PPP6R3: variants seen among roughly 807,000 people sequenced by gnomAD.
PPP6R3 encodes serine/threonine-protein phosphatase 6 regulatory subunit 3.
A neutral mutation model predicts 110.7 loss-of-function variants in PPP6R3; 38 were observed. The ratio of observed to expected loss-of-function variants is 0.34; its 90% confidence interval spans 0.26 to 0.45. PPP6R3 has a LOEUF of 0.45. Among genes scored for constraint, PPP6R3 ranks in the 20% least tolerant of loss-of-function variants. The pLI, the probability that PPP6R3 is intolerant of heterozygous loss-of-function variation, is 1.00. For missense variants in PPP6R3, 870 were observed against 1,062.4 expected, an observed-to-expected ratio of 0.82 and a Z score of 2.52; for synonymous variants, 369 against 373.5, an observed-to-expected ratio of 0.99 and a Z score of 0.14.
chr11:68,569,353 A>G (rs1345853574), intron 10 of PPP6R3, among the ~76,000 whole-genome samples: 2 of 152,212 alleles, frequency 1.3e-5, no homozygotes, highest in African/African-American at 2.4e-5. Flanking sequence ...ATCGAACCCT[A>G]TATATACTAT....
chr11:68,462,918 C>T (rs567652751), intron 1 of PPP6R3, among the ~76,000 whole-genome samples: 1 of 152,232 alleles, frequency 6.6e-6, no homozygotes, highest in Non-Finnish European at 1.5e-5. Context: ...AGATTGTTTT[C>T]GGTTTAGAAC....
chr11:68,523,344 A>G (rs1565589804), intron 2 of PPP6R3, among the ~76,000 whole-genome samples: 2 of 152,158 alleles, frequency 1.3e-5, no homozygotes, highest in East Asian at 3.9e-4. Flanking sequence ...GGAGTCGTCT[A>G]TCTCTTGATG....
chr11:68,469,811 G>A (rs1209030208), intron 1 of PPP6R3, among the ~76,000 whole-genome samples: 2 of 152,092 alleles, frequency 1.3e-5, no homozygotes, highest in Admixed American at 1.3e-4. Flanking sequence ...ATAGAAGGTT[G>A]CCATACCTTT....
chr11:68,589,024 T>C (rs2099587608), intron 16 of PPP6R3, among the ~76,000 whole-genome samples: 1 of 151,924 alleles, frequency 6.6e-6, no homozygotes, highest in Non-Finnish European at 1.5e-5. Context: ...CCGGCCAACG[T>C]GGCAAAACCC....
intron 1 of PPP6R3, among the ~76,000 whole-genome samples, chr11:68,512,103 G>A (rs7937163): frequency 0.047 from 7,157 of 152,184 alleles, 611 homozygotes; most frequent in African/African-American, 0.16. Context: ...CTGTGTACTC[G>A]TGGTTGATAA....
intron 17 of PPP6R3, 115 bp from the exon 18 acceptor site, chr11:68,591,461 A>G: frequency 1.1e-6 from 1 of 945,980 alleles, no homozygotes; most frequent in Non-Finnish European, 1.5e-6. Context: ...GGTGTATGTG[A>G]TAGGCACCAT....
At chr11:68,509,744 AT>A (rs59022544) in intron 1 of PPP6R3, among the ~76,000 whole-genome samples, 1 of 102,150 alleles carries the variant, frequency 9.8e-6, no homozygotes. Flanking sequence ...CATGTGGCTA[AT>A]TTTTTTTTTT....
chr11:68,610,072 C>T (rs778598237), intron 23 of PPP6R3, 49 bp downstream of exon 23: 3 of 1,598,124 alleles, frequency 1.9e-6, no homozygotes, highest in South Asian at 1.1e-5. Context: ...CTGACCTTGC[C>T]TGTTGCTTCC....
At chr11:68,537,618 A>G (rs772561067) in intron 2 of PPP6R3, 41 bp from the exon 3 acceptor site, 1 of 1,296,228 alleles carries the variant, frequency 7.7e-7, no homozygotes, top group Admixed American at 2.3e-5. Flanking sequence ...ATTAATTTGT[A>G]AAGTTGAAAT....
chr11:68,474,900 T>A (rs956054516), intron 1 of PPP6R3, among the ~76,000 whole-genome samples: 21 of 152,210 alleles, frequency 1.4e-4, no homozygotes, highest in Admixed American at 5.2e-4. Context: ...ATATTTAACT[T>A]CCTTTTTTTT....
At chr11:68,571,785 A>G (rs1050447822) in intron 12 of PPP6R3, among the ~76,000 whole-genome samples, 4 of 152,172 alleles carry the variant, frequency 2.6e-5, no homozygotes, top group Non-Finnish European at 2.9e-5. Flanking sequence ...AGACAGGTTT[A>G]TTGAGATATA....
intron 18 of PPP6R3, 130 bp from the exon 19 acceptor site, chr11:68,595,966 TG>T: frequency 8.7e-7 from 1 of 1,153,568 alleles, no homozygotes; most frequent in Non-Finnish European, 1.2e-6. Flanking sequence ...CCTGACCACG[TG>T]GTGCTCAGAC....
At chr11:68,549,948 T>G (rs141501739) in intron 5 of PPP6R3, among the ~76,000 whole-genome samples, 3 of 152,272 alleles carry the variant, frequency 2.0e-5, no homozygotes, top group Admixed American at 6.5e-5. Context: ...GAGTCTGGGA[T>G]TGATTAGTTC....
At chr11:68,511,009 G>T (rs937303355) in intron 1 of PPP6R3, among the ~76,000 whole-genome samples, 3 of 151,588 alleles carry the variant, frequency 2.0e-5, no homozygotes, top group Admixed American at 6.6e-5. Context: ...TTAACATTTT[G>T]GTTAAATCAC....
At chr11:68,586,568 T>C (rs559829953) in intron 15 of PPP6R3, 1 of 151,814 alleles carries the variant, frequency 6.6e-6, no homozygotes, top group East Asian at 2.0e-4. Context: ...AGCACAAAAG[T>C]GGGAGTGAGC....
intron 14 of PPP6R3, among the ~76,000 whole-genome samples, chr11:68,581,985 C>G (rs1289789818): frequency 6.6e-6 from 1 of 152,154 alleles, no homozygotes; most frequent in Non-Finnish European, 1.5e-5. Context: ...CAGTGATTTG[C>G]TCAGAATTTT....
chr11:68,479,491 C>T (rs1191919767), intron 1 of PPP6R3, among the ~76,000 whole-genome samples: 2 of 152,192 alleles, frequency 1.3e-5, no homozygotes, highest in Non-Finnish European at 2.9e-5. Flanking sequence ...GTTGTTTTGC[C>T]TAATACCCAG....
chr11:68,466,223 G>A (rs2098744176), intron 1 of PPP6R3, among the ~76,000 whole-genome samples: 1 of 152,108 alleles, frequency 6.6e-6, no homozygotes. Context: ...TGTCATGGAA[G>A]CCCCCTTTCC....
At chr11:68,520,034 G>A (rs2099156328) in intron 2 of PPP6R3, among the ~76,000 whole-genome samples, 1 of 152,194 alleles carries the variant, frequency 6.6e-6, no homozygotes, top group Non-Finnish European at 1.5e-5. Context: ...GCGAAAGGAC[G>A]TTTGACTTCT....
Sources: allele counts gnomAD v4.1 joint callset (sites outside exome capture counted in the v4.1 genomes callset), GRCh38; gene constraint gnomAD v4.1.1; transcripts MANE v1.5; gene names NCBI Gene and HGNC (gene_info 2026-07-23, HGNC 2026-07-21).